The following SPTAN1 variants were observed in gnomAD, a reference collection of about 807,000 sequenced individuals.
The protein encoded by SPTAN1 is spectrin alpha, non-erythrocytic 1.
In SPTAN1, 61 loss-of-function variants were observed where a neutral mutation model predicts 331.3. The observed-to-expected ratio is 0.18, with a 90% confidence interval of 0.15 to 0.23. The LOEUF (loss-of-function observed/expected upper bound fraction) is 0.23. Ranked by LOEUF, SPTAN1 falls within the 10% of genes least tolerant of loss-of-function variation. SPTAN1 has a pLI of 1.00. For synonymous variants in SPTAN1, 1,153 were observed against 1,173.9 expected (o/e 0.98, Z 0.36); for missense variants, 2,043 against 3,147.9 (o/e 0.65, Z 8.40).
At chr9:128,621,088 C>G (rs1857790345) in intron 44 of SPTAN1, 70 bp from the exon 45 acceptor site, 12 of 1,388,526 alleles carry the variant, frequency 8.6e-6, no homozygotes, top group Non-Finnish European at 1.2e-5. Flanking sequence ...TTGTCACTCT[C>G]TGTCCCCGGG....
chr9:128,591,454 A>C (rs780746382), intron 21 of SPTAN1, 23 bp from the exon 22 acceptor site: 3 of 1,613,978 alleles, frequency 1.9e-6, no homozygotes, highest in Non-Finnish European at 2.5e-6. Context: ...ATTTACTTTC[A>C]GTTCTCCCTC....
intron 27 of SPTAN1, among the ~76,000 whole-genome samples, chr9:128,601,784 C>T (rs1425515263): frequency 1.3e-5 from 2 of 152,198 alleles, no homozygotes; most frequent in Non-Finnish European, 2.9e-5. Flanking sequence ...CTTGTCTGAC[C>T]TCTCCTGAGG....
rs1311550475 is a variant in SPTAN1, at chr9:128,591,506, T to C, written c.3036T>C (p.Arg1012=). ...GGTGGAAAGTGGAAGTGAACGATCG[T>C]CAGGGTTTTGTGCCGGCTGCGTACG... The part of the protein sequence containing the change: ...KDWWKVEVND[R]QGFVPAAYVK... Residue 1012 remains arginine, a synonymous_variant, in exon 22 of 57, where the codon CGT becomes CGC. Coordinates refer to ENST00000372739, the MANE Select transcript of SPTAN1 (RefSeq NM_001130438.3). The C allele has an allele frequency of 6.2e-7, 1 of 1,614,010 alleles. No individual in the cohort carries two copies. Among genetic ancestry groups the C allele is most frequent in the South Asian group, 1.1e-5 (1 of 91,086 alleles).
chr9:128,613,569 AAG>A, intron 40 of SPTAN1, 84 bp downstream of exon 40: 1 of 1,146,896 alleles, frequency 8.7e-7, no homozygotes, highest in Non-Finnish European at 1.3e-6. Context: ...TGTTTGAGAA[AAG>A]AGAGTGACTT....
chr9:128,579,702 T>C lies in SPTAN1; in HGVS notation c.1287T>C (p.Ala429=), dbSNP rs1481912738. 3 of 1,614,170 alleles carry C rather than the reference T, an allele frequency of 1.9e-6. No homozygotes were observed. The Admixed American group carries it at 5.0e-5, about 27-fold the overall frequency. Reference sequence around the variant, plus strand: ...ATGAATCTGGACAGGCACTGCTTGCTGCTGGTCACTATGCCTCAGATGAAG... The same window carrying C: ...ATGAATCTGGACAGGCACTGCTTGCCGCTGGTCACTATGCCTCAGATGAAG... ...SADESGQALL[A]AGHYASDEVR... is the part of the protein sequence containing the mutation. The change falls in exon 10 of 57, where the codon GCT becomes GCC. Residue 429 remains alanine, a synonymous_variant. Transcript: ENST00000372739.
At chr9:128,560,643 G>A (rs1019969698) in intron 1 of SPTAN1, among the ~76,000 whole-genome samples, 1 of 151,618 alleles carries the variant, frequency 6.6e-6, no homozygotes, top group Non-Finnish European at 1.5e-5. Context: ...GCCTCCCAAA[G>A]TATTGGGATT....
At chr9:128,581,167 C>T in intron 11 of SPTAN1, 108 bp downstream of exon 11, 1 of 1,469,956 alleles carries the variant, frequency 6.8e-7, no homozygotes. Flanking sequence ...CATGTTAGTT[C>T]TGAATCCATT....
intron 5 of SPTAN1, among the ~76,000 whole-genome samples, chr9:128,576,606 A>G (rs556484844): frequency 7.4e-4 from 112 of 152,354 alleles, no homozygotes; most frequent in African/African-American, 2.7e-3. Flanking sequence ...GACTAACCAC[A>G]CTACTCCAAA....
rs755081860 is a variant in SPTAN1 at position 128,632,712 on chromosome 9, C to T, written c.7154C>T (p.Pro2385Leu). 6 of 1,613,870 alleles carry T rather than the reference C, an allele frequency of 3.7e-6. No individual in the cohort carries two copies. Among genetic ancestry groups the T allele is most frequent in the East Asian group, 2.2e-5 (1 of 44,888 alleles). Residue 2385 changes from proline to leucine, a missense_variant, in exon 55 of 57, where the codon CCG becomes CTG. Coordinates refer to ENST00000372739, the MANE Select transcript of SPTAN1 (RefSeq NM_001130438.3). ...EFEAILDTVD[P>L]NRDGHVSLQE... ...GAGGCAATCCTGGACACGGTGGATC[C>T]GAACAGGTAAATTAATTAAGGCCAG...
chr9:128,612,062 G>A (rs762532087), intron 38 of SPTAN1, 47 bp from the exon 39 acceptor site: 24 of 1,613,768 alleles, frequency 1.5e-5, no homozygotes, highest in East Asian at 4.5e-5. Context: ...GGAGAGGGAC[G>A]ATTCTTCATA....
At chr9:128,633,163 T>C (rs753568549) in intron 56 of SPTAN1, 46 bp from the exon 57 acceptor site, 16 of 1,613,186 alleles carry the variant, frequency 9.9e-6, no homozygotes, top group Middle Eastern at 3.3e-4. Context: ...GGGTTTGAAG[T>C]GGGTGCAGCT....
rs1258663341 is a variant in SPTAN1 at position 128,591,375 on chromosome 9, C to T, written c.3007-102C>T. 10 of 1,522,792 alleles carry T rather than the reference C, an allele frequency of 6.6e-6. No homozygotes were observed. In the Admixed American group the frequency reaches 8.4e-5, roughly 13 times the overall value. The allele number at this position is 1,522,792 out of a possible 1,614,324, so 94.3% of individuals were successfully genotyped here. A position where few individuals can be genotyped will look rare whatever the true frequency, so the allele number is the denominator to read the frequency against. On this transcript the variant is annotated intron_variant, in intron 21 of 56. Transcript: ENST00000372739. The stretch of plus-strand genomic sequence containing the variant: ...GCCACTGTGGCCGGCCGTTTTGGAC[C>T]TCTTAAAACAACGCTCTCGTGTGTG...
chr9:128,591,469 T>C lies in SPTAN1; in HGVS notation c.3007-8T>C. The C allele has an allele frequency of 6.2e-7, 1 of 1,614,126 alleles. No homozygotes were observed. The highest frequency in any genetic ancestry group is 1.3e-5 in the African/African-American group (1 of 75,048). ...ATTTACTTTCAGTTCTCCCTCTTTTTTCCTTAGGATTGGTGGAAAGTGGAA... is the reference window on the plus strand; with the variant it reads ...ATTTACTTTCAGTTCTCCCTCTTTTCTCCTTAGGATTGGTGGAAAGTGGAA... On this transcript the variant is annotated splice_region_variant and splice_polypyrimidine_tract_variant and intron_variant, in intron 21 of 56. Transcript: ENST00000372739.
In SPTAN1 at chr9:128,627,614, G is replaced by A. The variant is rs778234195; in HGVS notation, c.6689+116G>A. Reference sequence around the variant, plus strand: ...TTGTGTAAAACCAGAGGCAGCCTGGGAATAAAGCTGGGCTGGCAACGCCTG... The same window carrying A: ...TTGTGTAAAACCAGAGGCAGCCTGGAAATAAAGCTGGGCTGGCAACGCCTG... On this transcript the variant is annotated intron_variant, in intron 50 of 56. Transcript: ENST00000372739. This position sits in a 1 kb window ranked among gnomAD's most constrained non-coding sequence, Gnocchi z 4.9. The A allele has an allele frequency of 9.2e-7, 1 of 1,090,738 alleles. No individual in the cohort carries two copies. The highest frequency in any genetic ancestry group is 1.3e-5 in the South Asian group (1 of 75,720). 67.6% of individuals were successfully genotyped at this position (1,090,738 alleles called of 1,614,324 possible).
intron 1 of SPTAN1, among the ~76,000 whole-genome samples, chr9:128,558,157 G>A (rs1279836758): frequency 6.6e-6 from 1 of 152,086 alleles, no homozygotes; most frequent in South Asian, 2.1e-4. Context: ...CTCTTCTTCC[G>A]AGATCTGGTA....
chr9:128,604,461 T>A lies in SPTAN1; in HGVS notation c.3719+44T>A, dbSNP rs1319091712. 3 of 1,572,286 alleles carry A rather than the reference T, an allele frequency of 1.9e-6. No individual in the cohort carries two copies. The South Asian group carries it at 3.4e-5, about 18-fold the overall frequency. On this transcript the variant is annotated intron_variant, in intron 29 of 56. Coordinates refer to ENST00000372739, the MANE Select transcript of SPTAN1 (RefSeq NM_001130438.3). The stretch of plus-strand genomic sequence containing the variant: ...GCTGGGAGAGGGAGAAACAGGTGAC[T>A]GCTGGTTTCCTGACAGCCCCCAAGC...
At chr9:128,584,224 C>A in intron 16 of SPTAN1, 58 bp from the exon 17 acceptor site, 1 of 1,612,562 alleles carries the variant, frequency 6.2e-7, no homozygotes, top group South Asian at 1.1e-5. Flanking sequence ...CAATTTTTCT[C>A]TGTATACGAT....
chr9:128,627,886 C>G lies in SPTAN1; in HGVS notation c.6690-39C>G. 6.2e-7 allele frequency: 1 copy of G among 1,613,892 alleles called. No individual in the cohort carries two copies. The highest frequency in any genetic ancestry group is 8.5e-7 in the Non-Finnish European group (1 of 1,179,782). ...CCCGATTGCTGCTGTTGTCCGGACACCACCTTGTCTCCCGGCTGCTTGGAT... is the reference window on the plus strand; with the variant it reads ...CCCGATTGCTGCTGTTGTCCGGACAGCACCTTGTCTCCCGGCTGCTTGGAT... On this transcript the variant is annotated intron_variant, in intron 50 of 56. Transcript: ENST00000372739. This position sits in a 1 kb window ranked among gnomAD's most constrained non-coding sequence, Gnocchi z 4.9.
chr9:128,603,730 A>G lies in SPTAN1; in HGVS notation c.3627+140A>G, dbSNP rs1183252917. 2.8e-6 allele frequency: 3 copies of G among 1,064,360 alleles called. No individual in the cohort carries two copies. In the African/African-American group the frequency reaches 4.7e-5, roughly 17 times the overall value. 65.9% of individuals were successfully genotyped at this position (1,064,360 alleles called of 1,614,324 possible). ...CTCTATTGGGTCCAAGCATGTCCTA[A>G]GTAAACATCAGCACATTCATGGCCG... On this transcript the variant is annotated intron_variant, in intron 28 of 56. Transcript: ENST00000372739.
Sources: gnomAD v4.1 joint callset for allele counts (sites outside exome capture counted in the v4.1 genomes callset) on GRCh38, gnomAD v4.1.1 for gene constraint, Gnocchi (gnomAD v3.1) non-coding constraint, MANE v1.5 for transcripts, NCBI Gene and HGNC (gene_info 2026-07-23, HGNC 2026-07-21) for gene names.